Variants in RASA2 observed in about 807,000 individuals in gnomAD.
RASA2 encodes ras GTPase-activating protein 2.
Under a neutral mutation model 118.2 loss-of-function variants are expected in RASA2, and 155 were observed. The observed-to-expected ratio is 1.31, with a 90% CI of 1.15 to 1.50. The LOEUF (loss-of-function observed/expected upper bound fraction) is 1.50. Among genes scored for constraint, RASA2 ranks in the 40% most tolerant of loss-of-function variants. The pLI is 0.00. For synonymous variants in RASA2, 353 were observed against 349.1 expected, an observed-to-expected ratio of 1.01 and a Z score of -0.12; for missense variants, 1,016 against 1,009.6, an observed-to-expected ratio of 1.01 and a Z score of -0.09.
rs1191852944 is a variant in RASA2 at position 141,599,817 on chromosome 3, A to T, written c.1934-7861A>T. Among the ~76,000 whole-genome samples, 3 of 151,990 alleles carry T rather than the reference A, an allele frequency of 2.0e-5. No homozygotes were observed. The East Asian group carries it at 5.8e-4, about 29-fold the overall frequency. On this transcript the variant is annotated intron_variant, in intron 19 of 23. Transcript: ENST00000286364. ...TACTAAAAAGGAATACATTAAGAGC[A>T]TGGAAAAATTGCTTATTGAAAGGAA...
intron 7 of RASA2, among the ~76,000 whole-genome samples, chr3:141,557,212 G>C (rs1015353978): frequency 8.5e-5 from 13 of 152,140 alleles, no homozygotes; most frequent in African/African-American, 3.1e-4. Flanking sequence ...CATTCAGAGG[G>C]CCTTTAGTTG....
chr3:141,600,977 AACAC>A (rs1450357708), intron 19 of RASA2, among the ~76,000 whole-genome samples: 3 of 152,250 alleles, frequency 2.0e-5, no homozygotes, highest in African/African-American at 4.8e-5. Flanking sequence ...AGCAGAAAGA[AACAC>A]ACACATAAAT....
At chr3:141,517,646 CAATA>C (rs1156750735) in intron 3 of RASA2, among the ~76,000 whole-genome samples, 1 of 152,042 alleles carries the variant, frequency 6.6e-6, no homozygotes, top group African/African-American at 2.4e-5. Context: ...TATCGGTGAC[CAATA>C]AATATATTTC....
At chr3:141,491,828 A>G (rs545185530) in intron 1 of RASA2, among the ~76,000 whole-genome samples, 16 of 152,356 alleles carry the variant, frequency 1.1e-4, no homozygotes, top group Admixed American at 2.6e-4. Context: ...TCTCATATTC[A>G]TACTTTACAC....
intron 23 of RASA2, among the ~76,000 whole-genome samples, chr3:141,610,611 A>G (rs2107804678): frequency 6.7e-6 from 1 of 150,216 alleles, no homozygotes; most frequent in South Asian, 2.1e-4. Flanking sequence ...CCATCTCAGC[A>G]TCTTGAGTAG....
intron 1 of RASA2, among the ~76,000 whole-genome samples, chr3:141,499,605 T>C (rs2081749829): frequency 6.6e-6 from 1 of 152,164 alleles, no homozygotes; most frequent in Non-Finnish European, 1.5e-5. Context: ...ATTTAATGTG[T>C]TGATTTTTTT....
In RASA2 at chr3:141,581,172, A is replaced by T. The variant is rs2083108386; in HGVS notation, c.1747A>T (p.Lys583Ter). 1 of 1,509,480 alleles carries T rather than the reference A, an allele frequency of 6.6e-7. No individual in the cohort carries two copies. Among genetic ancestry groups the T allele is most frequent in the Non-Finnish European group, 8.8e-7 (1 of 1,134,416 alleles). The allele number at this position is 1,509,480 out of a possible 1,614,324, so 93.5% of individuals were successfully genotyped here. The change falls in exon 17 of 24, where the codon AAA becomes TAA. Residue 583 changes from lysine (K) to a stop codon, truncating the protein, a stop_gained. Coordinates refer to ENST00000286364, the MANE Select transcript of RASA2 (RefSeq NM_006506.5). LOFTEE classifies it high-confidence loss of function. ...AGAAGAAGGATATATTATAGCAGTT[A>T]AAAAGGTATGATGGTTTTATTCTGG... ...FQEEGYIIAV[K>*]KFLDEISSTE...
chr3:141,547,055 A>G lies in RASA2; in HGVS notation c.527+6446A>G, dbSNP rs556919274. Among the ~76,000 whole-genome samples, 11 of 152,286 alleles carry G rather than the reference A, an allele frequency of 7.2e-5. No individual in the cohort carries two copies. In the East Asian group the frequency reaches 1.3e-3, roughly 19 times the overall value. On this transcript the variant is annotated intron_variant, in intron 5 of 23. Coordinates refer to ENST00000286364, the MANE Select transcript of RASA2 (RefSeq NM_006506.5). ...GTTCTCTGTAATGATCTGTTGGTCT[A>G]TGTGTCTGTTTTTATGCCAGTACAA...
At chr3:141,493,458 T>C (rs2081662409) in intron 1 of RASA2, among the ~76,000 whole-genome samples, 1 of 152,190 alleles carries the variant, frequency 6.6e-6, no homozygotes, top group South Asian at 2.1e-4. Flanking sequence ...GCCCAGACTG[T>C]ACCCCAGACC....
At chr3:141,527,038 T>C (rs186007644) in intron 3 of RASA2, among the ~76,000 whole-genome samples, 1 of 152,266 alleles carries the variant, frequency 6.6e-6, no homozygotes, top group African/African-American at 2.4e-5. Flanking sequence ...TCTACTCTAG[T>C]TTTTAGCAGC....
chr3:141,528,723 A>T (rs1486883453), intron 3 of RASA2, among the ~76,000 whole-genome samples: 3 of 151,942 alleles, frequency 2.0e-5, no homozygotes, highest in Non-Finnish European at 4.4e-5. Context: ...TTCACTTGAT[A>T]TACAAAAGTT....
At chr3:141,601,408 C>T (rs1338401893) in intron 19 of RASA2, among the ~76,000 whole-genome samples, 1 of 151,510 alleles carries the variant, frequency 6.6e-6, no homozygotes, top group African/African-American at 2.4e-5. Flanking sequence ...GCGCTCCAGC[C>T]TGGGCAACAG....
intron 1 of RASA2, among the ~76,000 whole-genome samples, chr3:141,495,203 C>A (rs2081685625): frequency 6.6e-6 from 1 of 152,172 alleles, no homozygotes; most frequent in Non-Finnish European, 1.5e-5. Context: ...CCATTATTAT[C>A]CCCATTTTAC....
chr3:141,577,412 G>GT (rs991485963), intron 15 of RASA2, among the ~76,000 whole-genome samples: 1 of 151,770 alleles, frequency 6.6e-6, no homozygotes, highest in African/African-American at 2.4e-5. Flanking sequence ...ATTTCCATAA[G>GT]TTTTTTTTCA....
At chr3:141,591,967 A>G (rs2083291501) in intron 19 of RASA2, among the ~76,000 whole-genome samples, 1 of 152,050 alleles carries the variant, frequency 6.6e-6, no homozygotes, top group African/African-American at 2.4e-5. Context: ...TTGAGTGCCT[A>G]CTATGTACCA....
At chr3:141,580,079 AAAAAAAATATATATAT>A (rs1560047310) in intron 15 of RASA2, among the ~76,000 whole-genome samples, 124 of 101,866 alleles carry the variant, frequency 1.2e-3, no homozygotes, top group Non-Finnish European at 2.1e-3. Flanking sequence ...GAAAAAAAAA[AAAAAAAATATATATAT>A]ATATATATAT....
At chr3:141,585,819 A>G (rs886126597) in intron 17 of RASA2, among the ~76,000 whole-genome samples, 3 of 152,132 alleles carry the variant, frequency 2.0e-5, no homozygotes, top group African/African-American at 7.2e-5. Flanking sequence ...AAATAAATAA[A>G]TAAATAATAC....
At chr3:141,594,191 G>A (rs1407751030) in intron 19 of RASA2, among the ~76,000 whole-genome samples, 1 of 152,090 alleles carries the variant, frequency 6.6e-6, no homozygotes, top group Non-Finnish European at 1.5e-5. Context: ...CAACAGATTG[G>A]TTCACTGAAC....
chr3:141,561,642 T>C (rs2082731348), intron 9 of RASA2, among the ~76,000 whole-genome samples: 1 of 152,192 alleles, frequency 6.6e-6, no homozygotes, highest in African/African-American at 2.4e-5. Flanking sequence ...CCTTGTGGGG[T>C]TGTTAGTAAC....
Sources: allele counts gnomAD v4.1 joint callset (sites outside exome capture counted in the v4.1 genomes callset), GRCh38; gene constraint gnomAD v4.1.1; transcripts MANE v1.5; gene names NCBI Gene and HGNC (gene_info 2026-07-23, HGNC 2026-07-21).